Variants in EPHA4 observed in about 807,000 individuals in gnomAD.
The protein encoded by EPHA4 is ephrin type-A receptor 4.
Under a neutral mutation model 108.3 loss-of-function variants are expected in EPHA4, and 19 were observed. The observed-to-expected ratio is 0.18, with a 90% CI of 0.12 to 0.26. The LOEUF (loss-of-function observed/expected upper bound fraction) is 0.26. EPHA4 is among the 10% of genes least tolerant of loss of function. EPHA4 has a pLI of 1.00. For synonymous variants in EPHA4, 449 were observed against 455.5 expected (o/e 0.99, Z 0.18); for missense variants, 917 against 1,254.0 (o/e 0.73, Z 4.06).
intron 3 of EPHA4, among the ~76,000 whole-genome samples, chr2:221,541,474 T>C (rs1026628939): frequency 7.9e-5 from 12 of 152,096 alleles, no homozygotes; most frequent in African/African-American, 2.9e-4. Context: ...TCATAGAGGA[T>C]TTCAGAGTTA....
chr2:221,537,819 A>AGACAAAGATGACGAT (rs1476932473), intron 3 of EPHA4, among the ~76,000 whole-genome samples: 1 of 152,202 alleles, frequency 6.6e-6, no homozygotes, highest in Non-Finnish European at 1.5e-5. Flanking sequence ...GGAAGAAGAA[A>AGACAAAGATGACGAT]GACAAAGATG....
At chr2:221,459,358 G>A (rs1691071229) in intron 5 of EPHA4, among the ~76,000 whole-genome samples, 1 of 149,378 alleles carries the variant, frequency 6.7e-6, no homozygotes, top group Admixed American at 6.7e-5. Flanking sequence ...ATTCCAGATT[G>A]GATCTCAGGC....
intron 5 of EPHA4, among the ~76,000 whole-genome samples, chr2:221,476,752 C>T (rs974790619): frequency 1.3e-5 from 2 of 152,088 alleles, no homozygotes; most frequent in Non-Finnish European, 2.9e-5. Context: ...GATGAGAATT[C>T]CCACTGTTCT....
intron 3 of EPHA4, among the ~76,000 whole-genome samples, chr2:221,555,274 T>A (rs1283134225): frequency 6.6e-6 from 1 of 152,216 alleles, no homozygotes; most frequent in Non-Finnish European, 1.5e-5. Flanking sequence ...TTGCATGGTG[T>A]CTAAATCATT....
At chr2:221,431,228 T>C (rs548111954) in intron 14 of EPHA4, among the ~76,000 whole-genome samples, 13 of 152,362 alleles carry the variant, frequency 8.5e-5, no homozygotes, top group Non-Finnish European at 1.3e-4. Context: ...TTTTATTTGC[T>C]TTAAATCACT....
chr2:221,572,107 C>A (rs751308593), intron 1 of EPHA4, 51 bp downstream of exon 1: 2 of 1,508,288 alleles, frequency 1.3e-6, no homozygotes, highest in African/African-American at 1.4e-5. Flanking sequence ...ACCCCTCACC[C>A]GCGATGGCCC....
chr2:221,564,379 T>G lies in EPHA4; in HGVS notation c.175A>C (p.Ile59Leu). ...ATTGGTGTATTTTTTTCATCCATGA[T>G]ACTCACTTCCTCCCACTGCAAAGAT... is the stretch of plus-strand genomic sequence containing the variant. ...PLEGGWEEVSIMDEKNTPIRT... is the reference protein window; with the variant it reads ...PLEGGWEEVSLMDEKNTPIRT... Residue 59 changes from isoleucine (I) to leucine (L), a missense_variant, in exon 3 of 18, where the codon ATC (isoleucine) becomes CTC (leucine). Ile to Leu is a conservative substitution (Grantham distance 5). Coordinates refer to ENST00000281821, the MANE Select transcript of EPHA4 (RefSeq NM_004438.5). 6.2e-7 allele frequency: 1 copy of G among 1,611,132 alleles called. No individual in the cohort carries two copies. Among genetic ancestry groups the G allele is most frequent in the Non-Finnish European group, 8.5e-7 (1 of 1,177,482 alleles).
intron 3 of EPHA4, among the ~76,000 whole-genome samples, chr2:221,504,852 C>T (rs554068972): frequency 6.6e-6 from 1 of 152,200 alleles, no homozygotes; most frequent in Non-Finnish European, 1.5e-5. Context: ...GTGGTAAGGC[C>T]AAGCATTTAA....
intron 8 of EPHA4, among the ~76,000 whole-genome samples, chr2:221,448,452 C>G (rs3770184): frequency 0.35 from 52,710 of 152,020 alleles, 10,913 homozygotes; most frequent in African/African-American, 0.59. Context: ...TCTTAAAATC[C>G]ATTGCTTCAT....
chr2:221,504,048 A>G (rs1163229846), intron 3 of EPHA4, among the ~76,000 whole-genome samples: 2 of 152,194 alleles, frequency 1.3e-5, no homozygotes, highest in East Asian at 3.9e-4. Flanking sequence ...CCTGTGAAAG[A>G]TGTACTTGGC....
At chr2:221,460,756 T>C (rs935586988) in intron 5 of EPHA4, among the ~76,000 whole-genome samples, 2 of 152,294 alleles carry the variant, frequency 1.3e-5, no homozygotes, top group African/African-American at 2.4e-5. Flanking sequence ...CTACTGTGTG[T>C]GCCTGCCTAT....
Position 221,425,748 on chromosome 2 carries a change from T to C in EPHA4, c.*280A>G. The C allele has an allele frequency of 3.1e-6, 1 of 325,798 alleles. No individual in the cohort carries two copies. Among genetic ancestry groups the C allele is most frequent in the South Asian group, 5.7e-5 (1 of 17,424 alleles). The allele number at this position is 325,798 out of a possible 1,614,324, so 20.2% of individuals were successfully genotyped here. On this transcript the variant is annotated 3_prime_UTR_variant, in exon 17 of 18. Transcript: ENST00000281821. ...GCATCAAAACTCAGAGGCAGTGTTC[T>C]ATTTCTATAGGTACATGTATTTTAC...
chr2:221,556,491 T>C (rs1031707931), intron 3 of EPHA4, among the ~76,000 whole-genome samples: 1 of 150,772 alleles, frequency 6.6e-6, no homozygotes, highest in African/African-American at 2.4e-5. Flanking sequence ...TTTTTTTTTT[T>C]AGTAGAGCTG....
intron 15 of EPHA4, among the ~76,000 whole-genome samples, chr2:221,428,456 C>A (rs1689976283): frequency 6.6e-6 from 1 of 152,144 alleles, no homozygotes; most frequent in Non-Finnish European, 1.5e-5. Context: ...GTATCTAATA[C>A]CTCAACTTGT....
chr2:221,549,917 G>A (rs1269732166), intron 3 of EPHA4, among the ~76,000 whole-genome samples: 1 of 152,202 alleles, frequency 6.6e-6, no homozygotes, highest in Non-Finnish European at 1.5e-5. Flanking sequence ...CTTGAACCAG[G>A]GATGGGGAGG....
intron 4 of EPHA4, among the ~76,000 whole-genome samples, chr2:221,499,754 ATAT>A (rs1237584634): frequency 3.4e-4 from 12 of 34,848 alleles, no homozygotes; most frequent in African/African-American, 1.0e-3. Context: ...ATATATATAT[ATAT>A]TTTTTTTTTT....
At chr2:221,525,999 T>C (rs751963080) in intron 3 of EPHA4, among the ~76,000 whole-genome samples, 4 of 152,350 alleles carry the variant, frequency 2.6e-5, no homozygotes, top group East Asian at 1.9e-4. Flanking sequence ...AGGAGTCCAA[T>C]TGAGGTTTAT....
At position 221,571,248 on chromosome 2, in the gene EPHA4, C is replaced by CCA. The variant is rs1172116005; in HGVS notation, c.91+908_91+909dup. 2.0e-4 allele frequency among the ~76,000 whole-genome samples: 28 copies of CCA among 141,392 alleles called. No individual in the cohort carries two copies. Among genetic ancestry groups the CCA allele is most frequent in the African/African-American group, 6.1e-4 (22 of 36,234 alleles). 92.8% of individuals were successfully genotyped at this position (141,392 alleles called of 152,430 possible). On this transcript the variant is annotated intron_variant, in intron 1 of 17. Coordinates refer to ENST00000281821, the MANE Select transcript of EPHA4 (RefSeq NM_004438.5). The surrounding 1 kb of genome is among the most constrained non-coding windows in gnomAD (Gnocchi z 6.3). ...ACACACGCAGACATGCACACACACA[C>CCA]CACACATACACACACACACACACAC... is the stretch of plus-strand genomic sequence containing the variant.
intron 3 of EPHA4, among the ~76,000 whole-genome samples, chr2:221,543,974 A>G (rs1193029781): frequency 6.6e-6 from 1 of 152,132 alleles, no homozygotes; most frequent in East Asian, 1.9e-4. Context: ...TCAGTGTCTG[A>G]TGAGGGCTCG....
Sources: gnomAD v4.1 joint callset for allele counts (sites outside exome capture counted in the v4.1 genomes callset) on GRCh38, gnomAD v4.1.1 for gene constraint, Gnocchi (gnomAD v3.1) non-coding constraint, MANE v1.5 for transcripts, NCBI Gene and HGNC (gene_info 2026-07-23, HGNC 2026-07-21) for gene names.